The following GSN variants were observed in gnomAD, a reference collection of about 807,000 sequenced individuals.
The protein encoded by GSN is gelsolin.
In GSN, 56 loss-of-function variants were observed where a neutral mutation model predicts 85.7. The ratio of observed to expected loss-of-function variants is 0.65; its 90% CI spans 0.53 to 0.82. The LOEUF (loss-of-function observed/expected upper bound fraction) is 0.82, where lower values mean the gene tolerates loss of function less well. Ranked by LOEUF, GSN falls within the 40% of genes least tolerant of loss-of-function variation. The pLI is 0.00. For missense variants in GSN, 857 were observed against 979.8 expected, an observed-to-expected ratio of 0.87 and a Z score of 1.67; for synonymous variants, 373 against 399.1, an observed-to-expected ratio of 0.93 and a Z score of 0.78.
chr9:121,298,184 C>T lies in GSN; in HGVS notation c.-9-3779C>T, dbSNP rs938484469. On this transcript the variant is annotated intron_variant, in intron 2 of 17. Coordinates refer to ENST00000432226, the MANE Select transcript of GSN (RefSeq NM_198252.3). ...TGACCCCTGCTGCCCTCTGCAGCCT[C>T]CTCTGCTCTTGCTCCCTGTGTTTCA... Among the ~76,000 whole-genome samples, 10 of 152,100 alleles carry T rather than the reference C, an allele frequency of 6.6e-5. 1 individual carries two copies. Among genetic ancestry groups the T allele is most frequent in the African/African-American group, 2.2e-4 (9 of 41,408 alleles).
intron 2 of GSN, chr9:121,282,320 C>G: frequency 3.5e-6 from 2 of 569,104 alleles, no homozygotes; most frequent in Non-Finnish European, 6.2e-6. Context: ...GGAAGGATCA[C>G]TACTAGGGGG....
chr9:121,321,532 C>T, intron 11 of GSN, 131 bp downstream of exon 11: 1 of 751,130 alleles, frequency 1.3e-6, no homozygotes, highest in Non-Finnish European at 2.2e-6. Flanking sequence ...CTTTTGTCCA[C>T]AGGGCAACAC....
At chr9:121,327,241 T>C in intron 13 of GSN, 67 bp from the exon 14 acceptor site, 1 of 1,306,012 alleles carries the variant, frequency 7.7e-7, no homozygotes, top group East Asian at 2.3e-5. Context: ...CGGGGTCTCC[T>C]GGGCTGTGAG....
chr9:121,313,995 C>T lies in GSN; in HGVS notation c.725C>T (p.Ala242Val), dbSNP rs1479845895. The change falls in exon 7 of 18, where the codon GCC (alanine) becomes GTC (valine). Residue 242 changes from alanine (A) to valine (V), a missense_variant. By Grantham distance (64) the Ala-to-Val change is moderately conservative (BLOSUM62 0). Transcript: ENST00000432226. ...GAGGACACCGCCAAGGAGGATGCGG[C>T]CAACCGCAAGCTGGCCAAGCTCTAC... ...GTEDTAKEDA[A>V]NRKLAKLYKV... 1.9e-6 allele frequency: 3 copies of T among 1,613,968 alleles called. No homozygotes were observed. Among genetic ancestry groups the T allele is most frequent in the Non-Finnish European group, 2.5e-6 (3 of 1,179,912 alleles).
chr9:121,299,905 C>T lies in GSN; in HGVS notation c.-9-2058C>T, dbSNP rs1474343090. The stretch of plus-strand genomic sequence containing the variant: ...GCGCCCGCGCTGCTTTGCGCGCTGT[C>T]CCTGGCGCTGTGCGCGCTGTCGCTG... On this transcript the variant is annotated intron_variant, in intron 2 of 17. Transcript: ENST00000432226. This position sits in a 1 kb window ranked among gnomAD's most constrained non-coding sequence, Gnocchi z 4.2. The T allele has an allele frequency of 6.3e-6, 8 of 1,275,504 alleles. No individual in the cohort carries two copies. In the East Asian group the frequency reaches 2.6e-4, roughly 42 times the overall value. 79.0% of individuals were successfully genotyped at this position (1,275,504 alleles called of 1,614,324 possible). A position where few individuals can be genotyped will look rare whatever the true frequency, so the allele number is the denominator to read the frequency against.
At chr9:121,224,808 T>TAATAAATAAATA (rs55879249) in intron 4 of GSN, among the ~76,000 whole-genome samples, 3 of 146,320 alleles carry the variant, frequency 2.1e-5, no homozygotes, top group African/African-American at 7.6e-5. Flanking sequence ...ACACTTAAAA[T>TAATAAATAAATA]AATAAATAAA....
chr9:121,326,855 C>G (rs1009702590), intron 13 of GSN, 173 bp downstream of exon 13: 15 of 776,858 alleles, frequency 1.9e-5, no homozygotes, highest in African/African-American at 5.1e-5. Flanking sequence ...TAGACTCCCC[C>G]CTGTTTCAAG....
At chr9:121,229,013 G>A (rs890704108) in intron 4 of GSN, among the ~76,000 whole-genome samples, 2 of 152,098 alleles carry the variant, frequency 1.3e-5, no homozygotes, top group African/African-American at 4.8e-5. Context: ...CCATTGTCAC[G>A]ATCAATAAAC....
At chr9:121,221,305 T>A (rs2054166018) in intron 4 of GSN, among the ~76,000 whole-genome samples, 1 of 152,198 alleles carries the variant, frequency 6.6e-6, no homozygotes, top group Admixed American at 6.5e-5. Flanking sequence ...AGTTTTTCCT[T>A]CAGATGCAAT....
chr9:121,267,167 A>C (rs2055249587), upstream of GSN, among the ~76,000 whole-genome samples: 1 of 152,070 alleles, frequency 6.6e-6, no homozygotes, highest in Admixed American at 6.5e-5. Flanking sequence ...TCACGCGGCA[A>C]CTCCAAAAGT....
chr9:121,227,325 C>T (rs149468231), intron 4 of GSN, among the ~76,000 whole-genome samples: 499 of 151,682 alleles, frequency 3.3e-3, no homozygotes, highest in Non-Finnish European at 6.3e-3. Flanking sequence ...ACCCAGGAGG[C>T]GGAGGTTGCA....
At chr9:121,279,695 G>A (rs899204697) in intron 1 of GSN, among the ~76,000 whole-genome samples, 4 of 152,038 alleles carry the variant, frequency 2.6e-5, no homozygotes, top group African/African-American at 4.8e-5. Flanking sequence ...ATTGTACTTG[G>A]GAACAAATGC....
chr9:121,286,747 A>C, intron 2 of GSN: 1 of 1,535,368 alleles, frequency 6.5e-7, no homozygotes, highest in East Asian at 2.4e-5. Flanking sequence ...GCTGATCTTC[A>C]TGCCACTGTG....
chr9:121,259,982 C>A (rs1388536333), intron 6 of GSN, among the ~76,000 whole-genome samples: 1 of 152,182 alleles, frequency 6.6e-6, no homozygotes, highest in African/African-American at 2.4e-5. Context: ...CATCTGGAGA[C>A]AAGAAAGAGG....
At chr9:121,270,036 G>C (rs1321283357) in intron 1 of GSN, among the ~76,000 whole-genome samples, 1 of 152,188 alleles carries the variant, frequency 6.6e-6, no homozygotes, top group South Asian at 2.1e-4. Flanking sequence ...GCCTGCAAGA[G>C]GAGTGACTAA....
In GSN at chr9:121,329,605, G is replaced by A. The variant is rs997828203; in HGVS notation, c.1965+290G>A. On this transcript the variant is annotated intron_variant, in intron 16 of 17. Transcript: ENST00000432226. The surrounding 1 kb of genome is among the most constrained non-coding windows in gnomAD (Gnocchi z 4.6). ...TCATTCTCTCCCAGACCTTGCAGGA[G>A]CGTGAACTCTTCCTTTAAATCTGTT... Among the ~76,000 whole-genome samples, 2 of 152,196 alleles carry A rather than the reference G, an allele frequency of 1.3e-5. No homozygotes were observed. The highest frequency in any genetic ancestry group is 2.9e-5 in the Non-Finnish European group (2 of 68,026).
chr9:121,302,851 TC>T, intron 3 of GSN, 59 bp from the exon 4 acceptor site: 1 of 1,572,636 alleles, frequency 6.4e-7, no homozygotes, highest in Non-Finnish European at 8.7e-7. Flanking sequence ...CACCTCCTCT[TC>T]CTCAGGGGTC....
intron 7 of GSN, among the ~76,000 whole-genome samples, chr9:121,316,229 G>A (rs2061687041): frequency 6.6e-6 from 1 of 152,066 alleles, no homozygotes; most frequent in African/African-American, 2.4e-5. Flanking sequence ...TAATTTTTAA[G>A]TTTACAGAAA....
rs1206747307 is a variant in GSN, at chr9:121,329,644, G to A, written c.1965+329G>A. Among the ~76,000 whole-genome samples the A allele has an allele frequency of 6.6e-6, 1 of 152,194 alleles. No homozygotes were observed. Among genetic ancestry groups the A allele is most frequent in the Non-Finnish European group, 1.5e-5 (1 of 68,040 alleles). On this transcript the variant is annotated intron_variant, in intron 16 of 17. Coordinates refer to ENST00000432226, the MANE Select transcript of GSN (RefSeq NM_198252.3). The surrounding 1 kb of genome is among the most constrained non-coding windows in gnomAD (Gnocchi z 4.6). ...TTTAAATCTGTTGGCAGAGGAAGTT[G>A]AACTTAGCAGCATCTTGTTTGCAGG...
Sources: allele counts gnomAD v4.1 joint callset (sites outside exome capture counted in the v4.1 genomes callset), GRCh38; gene constraint gnomAD v4.1.1; non-coding constraint Gnocchi (gnomAD v3.1); transcripts MANE v1.5; gene names NCBI Gene and HGNC (gene_info 2026-07-23, HGNC 2026-07-21).